The following SMYD3 variants were observed in gnomAD, a reference collection of about 807,000 sequenced individuals.
SMYD3 encodes the protein histone-lysine N-methyltransferase SMYD3.
SMYD3 carries 36 observed loss-of-function variants against 57.7 expected under a neutral mutation model. The observed-to-expected ratio is 0.62, with a 90% CI of 0.48 to 0.82. The LOEUF (loss-of-function observed/expected upper bound fraction) is 0.82. Among genes scored for constraint, SMYD3 ranks in the 40% least tolerant of loss-of-function variants. The probability of loss-of-function intolerance (pLI) is 0.00; values close to 1 mark genes in which losing one functional copy is unlikely to be tolerated. For synonymous variants in SMYD3, 211 were observed against 195.0 expected (o/e 1.08, Z -0.68); for missense variants, 515 against 538.8 (o/e 0.96, Z 0.44).
At chr1:245,775,523 T>G (rs2046545849) in intron 10 of SMYD3, among the ~76,000 whole-genome samples, 1 of 150,866 alleles carries the variant, frequency 6.6e-6, no homozygotes, top group Non-Finnish European at 1.5e-5. Flanking sequence ...GCAGGCTCGT[T>G]AAGAGTCATC....
chr1:246,025,482 C>G (rs12354335), intron 5 of SMYD3, among the ~76,000 whole-genome samples: 8,310 of 152,278 alleles, frequency 0.055, 296 homozygotes, highest in African/African-American at 0.094. Flanking sequence ...GGTACCAGTA[C>G]TGTGACGGTC....
chr1:246,001,604 G>A (rs2148150930), intron 5 of SMYD3, among the ~76,000 whole-genome samples: 1 of 152,292 alleles, frequency 6.6e-6, no homozygotes, highest in East Asian at 1.9e-4. Context: ...GTGGTTTGAA[G>A]ACGGAAACAA....
intron 1 of SMYD3, among the ~76,000 whole-genome samples, chr1:246,370,812 C>T (rs1056687766): frequency 6.6e-6 from 1 of 152,128 alleles, no homozygotes; most frequent in Non-Finnish European, 1.5e-5. Flanking sequence ...TTTATTAATA[C>T]CACTTTTTGA....
intron 5 of SMYD3, among the ~76,000 whole-genome samples, chr1:246,123,571 A>AACACACACACACACACACAC (rs557543331): frequency 7.7e-6 from 1 of 129,488 alleles, no homozygotes; most frequent in Non-Finnish European, 1.6e-5. Flanking sequence ...TCCATCTCAA[A>AACACACACACACACACACAC]ACACACACAC....
intron 5 of SMYD3, among the ~76,000 whole-genome samples, chr1:246,062,641 G>A (rs1186369914): frequency 6.6e-6 from 1 of 152,116 alleles, no homozygotes; most frequent in African/African-American, 2.4e-5. Flanking sequence ...TTTTTGAAAT[G>A]AATGCTATTT....
intron 5 of SMYD3, among the ~76,000 whole-genome samples, chr1:246,132,204 C>T (rs1220004584): frequency 6.6e-6 from 1 of 151,988 alleles, no homozygotes; most frequent in African/African-American, 2.4e-5. Flanking sequence ...TTTAAAAAAG[C>T]TTTACAAGAA....
chr1:245,834,691 C>G (rs2050016946), intron 10 of SMYD3, among the ~76,000 whole-genome samples: 1 of 152,146 alleles, frequency 6.6e-6, no homozygotes, highest in African/African-American at 2.4e-5. Context: ...TTCGGAGGAT[C>G]ACGGCAACAC....
chr1:245,790,631 G>A (rs1246424581), intron 10 of SMYD3, among the ~76,000 whole-genome samples: 1 of 152,222 alleles, frequency 6.6e-6, no homozygotes, highest in East Asian at 1.9e-4. Flanking sequence ...GTCAGAGGGA[G>A]AGCCTCATTT....
intron 5 of SMYD3, among the ~76,000 whole-genome samples, chr1:246,239,312 T>A (rs2063563567): frequency 6.6e-6 from 1 of 152,160 alleles, no homozygotes; most frequent in Non-Finnish European, 1.5e-5. Context: ...GTGTTCTCAT[T>A]GTTCAATTCC....
At chr1:246,494,454 T>C (rs953590129) in intron 1 of SMYD3, among the ~76,000 whole-genome samples, 23 of 152,240 alleles carry the variant, frequency 1.5e-4, no homozygotes, top group African/African-American at 5.5e-4. Context: ...TTAAGGATGT[T>C]GCTCAGACAT....
intron 1 of SMYD3, among the ~76,000 whole-genome samples, chr1:246,411,972 T>TAAAA (rs762945152): frequency 2.4e-5 from 2 of 82,612 alleles, no homozygotes; most frequent in Non-Finnish European, 2.6e-5. Context: ...ACTTAAAGTA[T>TAAAA]AATAAAAAAA....
intron 5 of SMYD3, among the ~76,000 whole-genome samples, chr1:246,279,279 G>A (rs1335000366): frequency 6.6e-6 from 1 of 152,206 alleles, no homozygotes; most frequent in Non-Finnish European, 1.5e-5. Flanking sequence ...CCAGCACTCT[G>A]GGAGGCTGAG....
At chr1:246,336,087 CTCTGAAAAGT>C (rs375737888) in intron 2 of SMYD3, among the ~76,000 whole-genome samples, 24 of 152,328 alleles carry the variant, frequency 1.6e-4, no homozygotes, top group African/African-American at 5.5e-4. Context: ...CCCCTTTTCA[CTCTGAAAAGT>C]TCTGGTTTTG....
chr1:246,402,330 A>G (rs79362349), intron 1 of SMYD3, among the ~76,000 whole-genome samples: 4,321 of 97,190 alleles, frequency 0.044, 106 homozygotes, highest in Non-Finnish European at 0.073. Context: ...AAAACTGTTC[A>G]AACCAGTTAA....
intron 5 of SMYD3, among the ~76,000 whole-genome samples, chr1:246,059,165 C>T (rs887808534): frequency 3.3e-5 from 5 of 152,172 alleles, no homozygotes; most frequent in Admixed American, 6.5e-5. Flanking sequence ...CGTGAGCCAC[C>T]GCACCCGGCC....
intron 10 of SMYD3, among the ~76,000 whole-genome samples, chr1:245,803,920 T>TTC (rs1325992651): frequency 6.6e-6 from 1 of 151,002 alleles, no homozygotes; most frequent in East Asian, 2.0e-4. Flanking sequence ...AGTATTTTTT[T>TTC]TTTTTTTTTT....
intron 5 of SMYD3, among the ~76,000 whole-genome samples, chr1:245,957,479 A>G (rs1320044445): frequency 1.3e-5 from 2 of 152,220 alleles, no homozygotes; most frequent in African/African-American, 4.8e-5. Flanking sequence ...TTTAACGTCA[A>G]CGTTTCTCTC....
intron 10 of SMYD3, among the ~76,000 whole-genome samples, chr1:245,804,761 G>A (rs2048058338): frequency 6.6e-6 from 1 of 152,106 alleles, no homozygotes; most frequent in Non-Finnish European, 1.5e-5. Flanking sequence ...CCCCTCTGGA[G>A]GCCACAGCAA....
intron 10 of SMYD3, among the ~76,000 whole-genome samples, chr1:245,771,846 T>C (rs2046352175): frequency 6.6e-6 from 1 of 151,738 alleles, no homozygotes; most frequent in Admixed American, 6.6e-5. Flanking sequence ...AAAAAAAAGG[T>C]CCTAACATCA....
Sources: gnomAD v4.1 joint callset for allele counts (sites outside exome capture counted in the v4.1 genomes callset) on GRCh38, gnomAD v4.1.1 for gene constraint, MANE v1.5 for transcripts, NCBI Gene and HGNC (gene_info 2026-07-23, HGNC 2026-07-21) for gene names.